The following SCAPER variants were observed in gnomAD, a reference collection of about 807,000 sequenced individuals.
The protein encoded by SCAPER is S-phase cyclin A associated protein in the ER.
A neutral mutation model predicts 182.2 loss-of-function variants in SCAPER; 98 were observed. That is an observed-to-expected ratio of 0.54 (90% CI 0.46 to 0.64). The LOEUF (loss-of-function observed/expected upper bound fraction) is 0.64. Among genes scored for constraint, SCAPER ranks in the 30% least tolerant of loss-of-function variants. The pLI is 0.00. For missense variants in SCAPER, 1,432 were observed against 1,690.0 expected (o/e 0.85, Z 2.68); for synonymous variants, 605 against 564.6 (o/e 1.07, Z -1.01).
At position 76,386,441 on chromosome 15, in the gene SCAPER, A is replaced by C. The variant is rs532268907; in HGVS notation, c.3468-4826T>G. Among the ~76,000 whole-genome samples, 6 of 152,324 alleles carry C rather than the reference A, an allele frequency of 3.9e-5. No homozygotes were observed. The South Asian group carries it at 1.2e-3, about 32-fold the overall frequency. On this transcript the variant is annotated intron_variant, in intron 27 of 31. Coordinates refer to ENST00000563290, the MANE Select transcript of SCAPER (RefSeq NM_020843.4). ...GACCTGGAGTTCAGCAGTAAAATCT[A>C]TGACCTTTTTCTCATAAAGCTTACA...
chr15:76,899,721 G>A (rs541097438), intron 1 of SCAPER, among the ~76,000 whole-genome samples: 79 of 151,524 alleles, frequency 5.2e-4, no homozygotes, highest in African/African-American at 1.6e-3. Context: ...AGTGAGGAGC[G>A]TCTCTGCCTG....
At chr15:76,869,899 A>C (rs1045070785) in intron 2 of SCAPER, among the ~76,000 whole-genome samples, 1 of 152,214 alleles carries the variant, frequency 6.6e-6, no homozygotes, top group Non-Finnish European at 1.5e-5. Context: ...ACAAAGTTGA[A>C]TATCATTCAG....
intron 4 of SCAPER, among the ~76,000 whole-genome samples, chr15:76,845,249 C>T (rs2069948025): frequency 6.6e-6 from 1 of 152,084 alleles, no homozygotes; most frequent in Non-Finnish European, 1.5e-5. Context: ...ATGTGACAGA[C>T]ACACAGCTAG....
chr15:76,405,109 C>CA (rs1555425270), intron 26 of SCAPER, among the ~76,000 whole-genome samples: 3 of 112,418 alleles, frequency 2.7e-5, no homozygotes, highest in Non-Finnish European at 3.5e-5. Context: ...ACAACTTACA[C>CA]TTTTTTTTTT....
At chr15:76,508,436 G>T (rs1431438323) in intron 23 of SCAPER, among the ~76,000 whole-genome samples, 2 of 152,162 alleles carry the variant, frequency 1.3e-5, no homozygotes, top group Admixed American at 6.5e-5. Flanking sequence ...GAGTAGAACT[G>T]CTGGGTCACA....
chr15:76,688,475 A>T (rs2058157962), intron 20 of SCAPER, among the ~76,000 whole-genome samples: 2 of 152,124 alleles, frequency 1.3e-5, no homozygotes, highest in South Asian at 4.1e-4. Context: ...TTTTGTTGCC[A>T]TTGCTTTTGG....
chr15:76,416,389 T>C (rs2045651500), intron 26 of SCAPER, among the ~76,000 whole-genome samples: 1 of 151,634 alleles, frequency 6.6e-6, no homozygotes, highest in African/African-American at 2.4e-5. Context: ...CTCAGGAGGC[T>C]GAGGCAGGAG....
At chr15:76,621,671 G>A in intron 22 of SCAPER, 93 bp downstream of exon 22, 1 of 1,017,460 alleles carries the variant, frequency 9.8e-7, no homozygotes, top group Admixed American at 2.4e-5. Flanking sequence ...TAGAATCAAA[G>A]AACCTTATTA....
chr15:76,562,811 C>A (rs1475131305), intron 23 of SCAPER, among the ~76,000 whole-genome samples: 3 of 152,150 alleles, frequency 2.0e-5, no homozygotes, highest in Admixed American at 6.5e-5. Flanking sequence ...CTTACAGGCA[C>A]ATTTTTCATA....
At chr15:76,650,133 A>C (rs1307846480) in intron 21 of SCAPER, among the ~76,000 whole-genome samples, 1 of 152,184 alleles carries the variant, frequency 6.6e-6, no homozygotes, top group Non-Finnish European at 1.5e-5. Context: ...ATTTGAAGGC[A>C]TACTGTGATG....
At chr15:76,516,657 T>C (rs1282514869) in intron 23 of SCAPER, among the ~76,000 whole-genome samples, 5 of 152,184 alleles carry the variant, frequency 3.3e-5, no homozygotes, top group African/African-American at 1.2e-4. Context: ...GTATTGTGAA[T>C]AGTGCTGCAA....
rs2040324295 is a variant in SCAPER, at chr15:76,348,621, C to T, written c.*12G>A. 5 of 1,505,530 alleles carry T rather than the reference C, an allele frequency of 3.3e-6. No homozygotes were observed. Among genetic ancestry groups the T allele is most frequent in the Non-Finnish European group, 2.7e-6 (3 of 1,115,940 alleles). The allele number at this position is 1,505,530 out of a possible 1,614,324, so 93.3% of individuals were successfully genotyped here. On this transcript the variant is annotated 3_prime_UTR_variant, in exon 32 of 32. Transcript: ENST00000563290. ...TAACAAGGGTACTCAAATACAGAAT[C>T]AACCAAAACATTTATTTTTTCTCTT...
At chr15:76,551,357 T>A (rs2045754692) in intron 23 of SCAPER, among the ~76,000 whole-genome samples, 1 of 151,652 alleles carries the variant, frequency 6.6e-6, no homozygotes, top group Non-Finnish European at 1.5e-5. Flanking sequence ...TGTCTATACA[T>A]AATGGAATAC....
intron 31 of SCAPER, chr15:76,350,179 T>C (rs2040438748): frequency 6.6e-6 from 1 of 152,234 alleles, no homozygotes; most frequent in Non-Finnish European, 1.5e-5. Context: ...GACTAATTCT[T>C]GCTCAGACAA....
Position 76,609,458 on chromosome 15 carries a change from G to T in SCAPER, c.2711+12306C>A, listed in dbSNP as rs2145914813. On this transcript the variant is annotated intron_variant, in intron 22 of 31. Transcript: ENST00000563290. ...GCTATGATCATGCCACTGCACTTCA[G>T]CCTGGGCAACAGAATGAGACCTTTG... Among the ~76,000 whole-genome samples, 2 of 152,134 alleles carry T rather than the reference G, an allele frequency of 1.3e-5. 1 individual carries two copies.
At chr15:76,416,775 TA>T (rs1274364230) in intron 26 of SCAPER, among the ~76,000 whole-genome samples, 2 of 152,142 alleles carry the variant, frequency 1.3e-5, no homozygotes, top group Admixed American at 6.6e-5. Context: ...TCTGAAAAAG[TA>T]AAAAACTAAA....
At chr15:76,767,114 A>T in intron 10 of SCAPER, 26 bp from the exon 11 acceptor site, 1 of 1,534,714 alleles carries the variant, frequency 6.5e-7, no homozygotes, top group Non-Finnish European at 8.8e-7. Context: ...CACATAAACA[A>T]AAAGAAAAAT....
chr15:76,698,505 T>C (rs1164456176), intron 20 of SCAPER, among the ~76,000 whole-genome samples: 1 of 152,192 alleles, frequency 6.6e-6, no homozygotes, highest in East Asian at 1.9e-4. Flanking sequence ...TAGACAGGAC[T>C]TGAATGACTA....
At position 76,857,875 on chromosome 15, in the gene SCAPER, T is replaced by G; in HGVS notation, c.129A>C (p.Lys43Asn). Residue 43 changes from lysine to asparagine, a missense_variant, in exon 4 of 32, where the codon AAA becomes AAC. Physicochemically the swap from Lys to Asn is moderately conservative, Grantham distance 94. Coordinates refer to ENST00000563290, the MANE Select transcript of SCAPER (RefSeq NM_020843.4). ...VPLESKDDDG[K>N]PKCQTGGKSK... is the part of the protein sequence containing the mutation. ...ATTTTCCACCAGTTTGACATTTAGG[T>G]TTTCCTTCAAGGCAAGAAAAAAATA... 6.5e-7 allele frequency: 1 copy of G among 1,545,208 alleles called. No individual in the cohort carries two copies. Among genetic ancestry groups the G allele is most frequent in the South Asian group, 1.2e-5 (1 of 83,058 alleles).
Sources: allele counts gnomAD v4.1 joint callset (sites outside exome capture counted in the v4.1 genomes callset), GRCh38; gene constraint gnomAD v4.1.1; transcripts MANE v1.5; gene names NCBI Gene and HGNC (gene_info 2026-07-23, HGNC 2026-07-21).